The following PCDH7 variants were observed in gnomAD, a reference collection of about 807,000 sequenced individuals.
The protein encoded by PCDH7 is protocadherin 7, also known as protocadherin-7.
Under a neutral mutation model 58.9 loss-of-function variants are expected in PCDH7, and 17 were observed. That is an observed-to-expected ratio of 0.29 (90% CI 0.20 to 0.43). PCDH7 has a LOEUF of 0.43. Among genes scored for constraint, PCDH7 ranks in the 20% least tolerant of loss-of-function variants. The probability of loss-of-function intolerance (pLI) is 1.00; values close to 1 mark genes in which losing one functional copy is unlikely to be tolerated. For synonymous variants in PCDH7, 664 were observed against 616.4 expected (o/e 1.08, Z -1.14); for missense variants, 1,274 against 1,441.0 (o/e 0.88, Z 1.88).
intron 1 of PCDH7, among the ~76,000 whole-genome samples, chr4:30,744,939 A>G (rs1374640108): frequency 6.6e-6 from 1 of 152,214 alleles, no homozygotes; most frequent in Non-Finnish European, 1.5e-5. Flanking sequence ...TATTCACTGT[A>G]ACTGTTCACC....
At chr4:31,123,142 G>A (rs531530764) in intron 3 of PCDH7, among the ~76,000 whole-genome samples, 1 of 152,038 alleles carries the variant, frequency 6.6e-6, no homozygotes, top group African/African-American at 2.4e-5. Flanking sequence ...TAAAAGAAAT[G>A]TATTTGGTAC....
At chr4:30,967,033 C>A (rs1749057140) in intron 3 of PCDH7, among the ~76,000 whole-genome samples, 1 of 151,962 alleles carries the variant, frequency 6.6e-6, no homozygotes, top group Non-Finnish European at 1.5e-5. Flanking sequence ...AATTTGTTTT[C>A]TTTCTATGTG....
At chr4:31,136,267 A>G (rs1178379252) in intron 3 of PCDH7, among the ~76,000 whole-genome samples, 1 of 152,230 alleles carries the variant, frequency 6.6e-6, no homozygotes, top group Non-Finnish European at 1.5e-5. Context: ...TACGAGCTGT[A>G]TAGACATTAA....
At chr4:30,810,207 T>C (rs957083758) in intron 1 of PCDH7, among the ~76,000 whole-genome samples, 2 of 152,302 alleles carry the variant, frequency 1.3e-5, no homozygotes, top group African/African-American at 2.4e-5. Flanking sequence ...GAGTATAATA[T>C]AATAGACTAT....
At chr4:30,862,712 G>A (rs1304601039) in intron 1 of PCDH7, among the ~76,000 whole-genome samples, 1 of 151,954 alleles carries the variant, frequency 6.6e-6, no homozygotes. Flanking sequence ...TTTCTTAGTA[G>A]CTTCTCTCAG....
intron 3 of PCDH7, among the ~76,000 whole-genome samples, chr4:31,129,673 G>A (rs967480654): frequency 1.3e-5 from 2 of 151,884 alleles, no homozygotes; most frequent in Non-Finnish European, 2.9e-5. Context: ...TGTCTCCCAG[G>A]CTGGATTGGA....
At chr4:30,784,880 A>G (rs1313302446) in intron 1 of PCDH7, among the ~76,000 whole-genome samples, 1 of 152,074 alleles carries the variant, frequency 6.6e-6, no homozygotes, top group Non-Finnish European at 1.5e-5. Context: ...AATATGATAA[A>G]CAATAGAAAG....
chr4:30,993,874 G>C lies in PCDH7; in HGVS notation c.*7+43659G>C, dbSNP rs184567269. Among the ~76,000 whole-genome samples the C allele has an allele frequency of 1.8e-4, 28 of 152,190 alleles. No individual in the cohort carries two copies. In the East Asian group the frequency reaches 4.6e-3, roughly 25 times the overall value. On this transcript the variant is annotated intron_variant, in intron 3 of 3. Coordinates refer to the PCDH7 transcript ENST00000509759. ...CAATGCCCACTAAATGTTTAGAAGA[G>C]AGAGTGTGTCTGTGTGGGTATAAAT...
At chr4:31,051,925 C>A (rs961247147) in intron 3 of PCDH7, among the ~76,000 whole-genome samples, 7 of 151,836 alleles carry the variant, frequency 4.6e-5, no homozygotes, top group African/African-American at 1.7e-4. Context: ...TGATATTTAT[C>A]CTTGAATATT....
At chr4:30,999,889 C>T (rs1191217526) in intron 3 of PCDH7, among the ~76,000 whole-genome samples, 1 of 151,862 alleles carries the variant, frequency 6.6e-6, no homozygotes, top group Non-Finnish European at 1.5e-5. Flanking sequence ...GTGTTAATAC[C>T]GAATATTAAA....
At chr4:30,956,049 A>T (rs1031202420) in intron 3 of PCDH7, among the ~76,000 whole-genome samples, 81 of 150,762 alleles carry the variant, frequency 5.4e-4, no homozygotes, top group Non-Finnish European at 6.6e-4. Flanking sequence ...AAAAAAAAAA[A>T]GCAAAAAAAA....
intron 1 of PCDH7, among the ~76,000 whole-genome samples, chr4:30,900,457 T>A (rs925879716): frequency 6.6e-6 from 1 of 152,180 alleles, no homozygotes; most frequent in Non-Finnish European, 1.5e-5. Context: ...AAAATTTATA[T>A]TCTTGAAATA....
intron 1 of PCDH7, among the ~76,000 whole-genome samples, chr4:30,814,751 GATTA>G (rs1164806840): frequency 2.6e-5 from 4 of 152,034 alleles, no homozygotes; most frequent in Non-Finnish European, 5.9e-5. Context: ...TTATATGATG[GATTA>G]ATTAAAGATA....
intron 1 of PCDH7, among the ~76,000 whole-genome samples, chr4:30,755,628 C>T (rs901010688): frequency 6.6e-6 from 1 of 152,122 alleles, no homozygotes; most frequent in African/African-American, 2.4e-5. Context: ...TGGTTACCAT[C>T]CCCCACTGTC....
At chr4:30,875,518 A>G (rs528100164) in intron 1 of PCDH7, among the ~76,000 whole-genome samples, 1 of 152,234 alleles carries the variant, frequency 6.6e-6, no homozygotes, top group Admixed American at 6.6e-5. Flanking sequence ...GAATAGTCCA[A>G]GTTTACGTAG....
In PCDH7 at chr4:31,023,400, T is replaced by C. The variant is rs189331709; in HGVS notation, c.*7+73185T>C. On this transcript the variant is annotated intron_variant, in intron 3 of 3. Transcript: ENST00000509759. Reference sequence around the variant, plus strand: ...TCTAAAGCTTCCCCTTCTAAAAGAATTGCTGGGAAGAACAACAATTTTATA... The same window carrying C: ...TCTAAAGCTTCCCCTTCTAAAAGAACTGCTGGGAAGAACAACAATTTTATA... Among the ~76,000 whole-genome samples, 18 of 152,326 alleles carry C rather than the reference T, an allele frequency of 1.2e-4. No individual in the cohort carries two copies. In the East Asian group the frequency reaches 3.5e-3, roughly 29 times the overall value.
At chr4:30,733,157 C>T (rs1715759010), downstream of PCDH7, among the ~76,000 whole-genome samples, 1 of 152,150 alleles carries the variant, frequency 6.6e-6, no homozygotes. Flanking sequence ...CTGTGGACAA[C>T]GGACAGGTTT....
chr4:30,848,826 A>T (rs186151620), intron 1 of PCDH7, among the ~76,000 whole-genome samples: 2 of 152,190 alleles, frequency 1.3e-5, no homozygotes, highest in African/African-American at 4.8e-5. Flanking sequence ...CTAAGTATGC[A>T]ATTAAAATTG....
intron 3 of PCDH7, among the ~76,000 whole-genome samples, chr4:31,081,485 A>G (rs185437187): frequency 6.6e-6 from 1 of 152,318 alleles, no homozygotes; most frequent in East Asian, 1.9e-4. Context: ...TCTTCTTAAT[A>G]TGGCCCTTAA....
Sources: gnomAD v4.1 joint callset for allele counts (sites outside exome capture counted in the v4.1 genomes callset) on GRCh38, gnomAD v4.1.1 for gene constraint, MANE v1.5 for transcripts, NCBI Gene and HGNC (gene_info 2026-07-23, HGNC 2026-07-21) for gene names.